Variants in CCBE1 observed in about 807,000 individuals in gnomAD.
The protein encoded by CCBE1 is collagen and calcium-binding EGF domain-containing protein 1.
In CCBE1, 37 loss-of-function variants were observed where a neutral mutation model predicts 50.0. The ratio of observed to expected loss-of-function variants is 0.74; its 90% CI spans 0.57 to 0.97. The LOEUF (loss-of-function observed/expected upper bound fraction) is 0.97, where lower values mean the gene tolerates loss of function less well. Among genes scored for constraint, CCBE1 ranks in the 50% least tolerant of loss-of-function variants. CCBE1 has a pLI of 0.00. For missense variants in CCBE1, 538 were observed against 523.8 expected (o/e 1.03, Z -0.26); for synonymous variants, 234 against 203.7 (o/e 1.15, Z -1.27).
chr18:59,649,280 A>G (rs1206092655), intron 2 of CCBE1, among the ~76,000 whole-genome samples: 1 of 152,040 alleles, frequency 6.6e-6, no homozygotes, highest in Non-Finnish European at 1.5e-5. Flanking sequence ...GCCCCTCCCT[A>G]CTGGGACTCC....
At position 59,434,137 on chromosome 18, in the gene CCBE1, C is replaced by T. The variant is rs886054063; in HGVS notation, c.*1771G>A. ...TCTCCTGACCTTGTGATCTCCCCGC[C>T]TCAGCCTCCCAAAGTGCTGGGATTA... On this transcript the variant is annotated 3_prime_UTR_variant, in exon 11 of 11. Transcript: ENST00000439986. 6 of 152,206 alleles carry T rather than the reference C, an allele frequency of 3.9e-5. No homozygotes were observed. The highest frequency in any genetic ancestry group is 5.9e-5 in the Non-Finnish European group (4 of 68,094). 9.4% of individuals were successfully genotyped at this position (152,206 alleles called of 1,614,324 possible).
At chr18:59,631,140 T>A (rs2053843503) in intron 2 of CCBE1, among the ~76,000 whole-genome samples, 1 of 152,056 alleles carries the variant, frequency 6.6e-6, no homozygotes, top group South Asian at 2.1e-4. Flanking sequence ...TTGCCCACTC[T>A]CAGCATGGCA....
intron 2 of CCBE1, among the ~76,000 whole-genome samples, chr18:59,601,010 GTT>G (rs71177045): frequency 1.0e-4 from 6 of 58,012 alleles, no homozygotes; most frequent in African/African-American, 2.7e-4. Flanking sequence ...CTATGTGTCA[GTT>G]TTTTTTTTTT....
chr18:59,558,917 A>G (rs1294429933), intron 2 of CCBE1, among the ~76,000 whole-genome samples: 1 of 152,212 alleles, frequency 6.6e-6, no homozygotes, highest in Admixed American at 6.5e-5. Flanking sequence ...GCTGAATAAA[A>G]TCACGTTTCA....
intron 2 of CCBE1, among the ~76,000 whole-genome samples, chr18:59,490,478 T>G (rs907412184): frequency 6.6e-6 from 1 of 152,006 alleles, no homozygotes; most frequent in Non-Finnish European, 1.5e-5. Flanking sequence ...AAATAATCAT[T>G]ATTTTTCAAA....
chr18:59,453,962 G>A lies in CCBE1; in HGVS notation c.654+889C>T, dbSNP rs77975260. Reference sequence around the variant, plus strand: ...AAATCTGCTATACCGTCAGGCATTCGGACAGCCTTTTATAAAGTGCATTAG... The same window carrying A: ...AAATCTGCTATACCGTCAGGCATTCAGACAGCCTTTTATAAAGTGCATTAG... On this transcript the variant is annotated intron_variant, in intron 6 of 10. Transcript: ENST00000439986. Among the ~76,000 whole-genome samples the A allele has an allele frequency of 0.011, 1,731 of 152,142 alleles. 117 individuals are homozygous for A. In the East Asian group the frequency reaches 0.2, roughly 18 times the overall value.
At chr18:59,564,424 C>T (rs991046506) in intron 2 of CCBE1, among the ~76,000 whole-genome samples, 1 of 152,232 alleles carries the variant, frequency 6.6e-6, no homozygotes, top group Non-Finnish European at 1.5e-5. Context: ...GAATATTTTC[C>T]ATTGTCAGTA....
rs543911569 is a variant in CCBE1 at position 59,502,861 on chromosome 18, T to C, written c.213-22623A>G. Among the ~76,000 whole-genome samples the C allele has an allele frequency of 6.2e-4, 95 of 152,338 alleles. 1 individual carries two copies. The highest frequency in any genetic ancestry group is 2.3e-3 in the African/African-American group (94 of 41,578). ...CTCACTGGCAAGGAGGGAGGCCTGC[T>C]GCAACCCTTCTAGTTTTGCAGTCTC... is the stretch of plus-strand genomic sequence containing the variant. On this transcript the variant is annotated intron_variant, in intron 2 of 10. Transcript: ENST00000439986.
chr18:59,666,358 A>G (rs2054356869), intron 2 of CCBE1, among the ~76,000 whole-genome samples: 1 of 152,216 alleles, frequency 6.6e-6, no homozygotes, highest in Non-Finnish European at 1.5e-5. Flanking sequence ...GCCAAACCAT[A>G]TCAGACTCCA....
chr18:59,624,255 T>C lies in CCBE1; in HGVS notation c.212+72374A>G, dbSNP rs2053748727. On this transcript the variant is annotated intron_variant, in intron 2 of 10. Transcript: ENST00000439986. ...ATTCTTATTGGCTAGACCTTCACAA[T>C]TTAGCCTCAAATTCTCTTTGGCCTG... Among the ~76,000 whole-genome samples the C allele has an allele frequency of 2.0e-5, 3 of 152,196 alleles. No individual in the cohort carries two copies. The South Asian group carries it at 6.2e-4, about 32-fold the overall frequency.
At chr18:59,583,674 TGTGTGTGCGC>T (rs141150538) in intron 2 of CCBE1, among the ~76,000 whole-genome samples, 31,648 of 130,994 alleles carry the variant, frequency 0.24, 3,298 homozygotes, top group East Asian at 0.31. Flanking sequence ...TGTGTGTGTG[TGTGTGTGCGC>T]GCGCGCGCGC....
chr18:59,684,927 G>A (rs571471792), intron 2 of CCBE1, among the ~76,000 whole-genome samples: 3 of 152,200 alleles, frequency 2.0e-5, no homozygotes, highest in African/African-American at 7.2e-5. Flanking sequence ...GTTATCAGGA[G>A]GACTGGAGAG....
At chr18:59,497,687 G>A (rs1913419587) in intron 2 of CCBE1, among the ~76,000 whole-genome samples, 1 of 152,140 alleles carries the variant, frequency 6.6e-6, no homozygotes, top group African/African-American at 2.4e-5. Context: ...CAACCACCCA[G>A]GTACCCCTCA....
At chr18:59,559,581 C>T (rs139938872) in intron 2 of CCBE1, among the ~76,000 whole-genome samples, 9 of 152,326 alleles carry the variant, frequency 5.9e-5, no homozygotes, top group East Asian at 5.8e-4. Flanking sequence ...TTACAGCTGG[C>T]GGAAGCATAA....
intron 2 of CCBE1, among the ~76,000 whole-genome samples, chr18:59,494,451 A>G (rs1018426673): frequency 2.6e-5 from 4 of 152,204 alleles, no homozygotes; most frequent in African/African-American, 9.6e-5. Context: ...GACTACAGAC[A>G]GAGTCGTTAA....
intron 2 of CCBE1, among the ~76,000 whole-genome samples, chr18:59,545,004 C>A (rs1915625827): frequency 2.6e-5 from 4 of 152,082 alleles, no homozygotes; most frequent in Admixed American, 2.6e-4. Context: ...AATCAATATA[C>A]AATTGAAAGA....
At chr18:59,479,956 A>G (rs1327368156) in intron 3 of CCBE1, among the ~76,000 whole-genome samples, 1 of 152,256 alleles carries the variant, frequency 6.6e-6, no homozygotes, top group East Asian at 1.9e-4. Flanking sequence ...CTGAAATACT[A>G]TATAAGAATG....
At chr18:59,587,862 C>CT (rs1318577718) in intron 2 of CCBE1, among the ~76,000 whole-genome samples, 2 of 152,120 alleles carry the variant, frequency 1.3e-5, no homozygotes, top group African/African-American at 4.8e-5. Context: ...ATCAATTGTA[C>CT]TTTTTGTAAA....
At chr18:59,482,420 T>C (rs981168139) in intron 2 of CCBE1, among the ~76,000 whole-genome samples, 1 of 152,206 alleles carries the variant, frequency 6.6e-6, no homozygotes, top group Admixed American at 6.5e-5. Context: ...AGAAATACTG[T>C]TTGACTCAGC....
Sources: gnomAD v4.1 joint callset for allele counts (sites outside exome capture counted in the v4.1 genomes callset) on GRCh38, gnomAD v4.1.1 for gene constraint, MANE v1.5 for transcripts, NCBI Gene and HGNC (gene_info 2026-07-23, HGNC 2026-07-21) for gene names.